RNF17: variants seen among roughly 807,000 people sequenced by gnomAD.
RNF17 encodes the protein ring finger protein 17.
A neutral mutation model predicts 200.5 loss-of-function variants in RNF17; 31 were observed. The ratio of observed to expected loss-of-function variants is 0.15; its 90% CI spans 0.12 to 0.21. The LOEUF is 0.21. RNF17 is among the 10% of genes least tolerant of loss of function. The pLI, the probability that RNF17 is intolerant of heterozygous loss-of-function variation, is 1.00. For synonymous variants in RNF17, 606 were observed against 637.8 expected, an observed-to-expected ratio of 0.95 and a Z score of 0.75; for missense variants, 1,628 against 1,905.1, an observed-to-expected ratio of 0.85 and a Z score of 2.71.
intron 5 of RNF17, among the ~76,000 whole-genome samples, chr13:24,781,224 A>G (rs1435680593): frequency 2.0e-5 from 3 of 152,082 alleles, no homozygotes; most frequent in African/African-American, 7.2e-5. Flanking sequence ...GGGTCCTATC[A>G]AAGAGAAATT....
At position 24,764,191 on chromosome 13, in the gene RNF17, GA is replaced by G; in HGVS notation, c.-10del. On this transcript the variant is annotated 5_prime_UTR_variant, in exon 1 of 36. Coordinates refer to ENST00000255324, the MANE Select transcript of RNF17 (RefSeq NM_031277.3). ...CTCGCACTCGGCGGTTGTTCCAGAAGAAAGAGACAGCGATGGCGGCAGAGGC... is the reference window on the plus strand; with the variant it reads ...CTCGCACTCGGCGGTTGTTCCAGAAGAAGAGACAGCGATGGCGGCAGAGGC... 6.3e-7 allele frequency: 1 copy of G among 1,579,082 alleles called. No individual in the cohort carries two copies. Among genetic ancestry groups the G allele is most frequent in the Non-Finnish European group, 8.7e-7 (1 of 1,153,844 alleles).
intron 15 of RNF17, among the ~76,000 whole-genome samples, chr13:24,807,542 C>T (rs1258320282): frequency 6.6e-6 from 1 of 152,036 alleles, no homozygotes; most frequent in Non-Finnish European, 1.5e-5. Context: ...TTTTTGGATA[C>T]TAGCCCTTTG....
At chr13:24,786,914 G>GTCTC (rs1449590633) in intron 6 of RNF17, among the ~76,000 whole-genome samples, 2 of 151,894 alleles carry the variant, frequency 1.3e-5, no homozygotes, top group Non-Finnish European at 2.9e-5. Flanking sequence ...CTGTCTCTTT[G>GTCTC]TCTCTCTCTT....
At chr13:24,878,362 A>C (rs1895082786) in intron 34 of RNF17, among the ~76,000 whole-genome samples, 1 of 152,258 alleles carries the variant, frequency 6.6e-6, no homozygotes, top group Non-Finnish European at 1.5e-5. Context: ...TCTAATATTC[A>C]GAATTTTGTC....
chr13:24,818,948 ATTCC>A (rs1185049136), intron 15 of RNF17, among the ~76,000 whole-genome samples: 1 of 151,796 alleles, frequency 6.6e-6, no homozygotes, highest in African/African-American at 2.4e-5. Flanking sequence ...TCACACTTTT[ATTCC>A]TTCTTTCCTC....
At chr13:24,836,002 C>T (rs539921224) in intron 18 of RNF17, among the ~76,000 whole-genome samples, 4 of 152,146 alleles carry the variant, frequency 2.6e-5, no homozygotes, top group South Asian at 2.1e-4. Context: ...TTTAGAAATG[C>T]GAAATGTTCT....
downstream of RNF17, among the ~76,000 whole-genome samples, chr13:24,881,863 T>C (rs868530455): frequency 0.018 from 2,418 of 130,784 alleles, 412 homozygotes; most frequent in African/African-American, 0.063. Flanking sequence ...TATATAGATA[T>C]ATAGATACAT....
intron 9 of RNF17, among the ~76,000 whole-genome samples, chr13:24,791,668 A>G (rs540021708): frequency 2.6e-5 from 4 of 152,242 alleles, no homozygotes; most frequent in African/African-American, 9.6e-5. Flanking sequence ...GAGAAAAGCA[A>G]CGCATTTGTT....
chr13:24,839,941 A>G (rs963300050), intron 18 of RNF17, among the ~76,000 whole-genome samples: 1 of 152,238 alleles, frequency 6.6e-6, no homozygotes, highest in Non-Finnish European at 1.5e-5. Flanking sequence ...CAGAGTAAAC[A>G]GACAACCCAC....
intron 18 of RNF17, among the ~76,000 whole-genome samples, chr13:24,840,775 T>C (rs752437718): frequency 2.0e-5 from 3 of 152,092 alleles, no homozygotes; most frequent in Admixed American, 6.6e-5. Context: ...AGACTACAAA[T>C]ACGGTGCAGT....
In RNF17 at chr13:24,870,670, C is replaced by G; in HGVS notation, c.4378C>G (p.Leu1460Val). The change falls in exon 32 of 36, where the codon CTT becomes GTT. Residue 1460 changes from leucine to valine, a missense_variant. Leu to Val is a conservative substitution (Grantham distance 32). Around this residue, in one of 5 missense-constraint regions of RNF17, gnomAD observed 609 missense variants for 681.9 expected, o/e 0.89. Coordinates refer to ENST00000255324, the MANE Select transcript of RNF17 (RefSeq NM_031277.3). ...GVSGESESES[L>V]DEALQRVNKK... is the part of the protein sequence containing the mutation. ...CAGCGGGGAATCAGAATCCGAGAGC[C>G]TTGATGAAGCACTGCAGAGGGTTAA... is the stretch of plus-strand genomic sequence containing the variant. 6.2e-7 allele frequency: 1 copy of G among 1,614,128 alleles called. No individual in the cohort carries two copies. Among genetic ancestry groups the G allele is most frequent in the Middle Eastern group, 1.6e-4 (1 of 6,062 alleles).
In RNF17 at chr13:24,870,592, A is replaced by T; in HGVS notation, c.4300A>T (p.Ile1434Leu). 1 of 1,613,296 alleles carries T rather than the reference A, an allele frequency of 6.2e-7. No individual in the cohort carries two copies. Among genetic ancestry groups the T allele is most frequent in the Non-Finnish European group, 8.5e-7 (1 of 1,179,686 alleles). Residue 1434 changes from isoleucine (I) to leucine (L), a missense_variant, in exon 32 of 36, where the codon ATA (isoleucine) becomes TTA (leucine). By Grantham distance (5) the Ile-to-Leu change is conservative. This residue lies in a region of RNF17 where 609 missense variants were observed against 681.9 expected (regional missense o/e 0.89). Transcript: ENST00000255324. ...TTAGGTGTATATTTGCCTTGATTCT[A>T]TAGAAACTTCTAACCAGTCTAACCA... is the stretch of plus-strand genomic sequence containing the variant. ...PNEVYICLDS[I>L]ETSNQSNQHS...
chr13:24,855,473 CA>C (rs1892374790), intron 25 of RNF17, among the ~76,000 whole-genome samples: 1 of 151,906 alleles, frequency 6.6e-6, no homozygotes, highest in East Asian at 1.9e-4. Flanking sequence ...ACTAAAAATA[CA>C]AAAATTAGCT....
chr13:24,865,015 TC>T lies in RNF17; in HGVS notation c.4101+18del, dbSNP rs1444671886. The T allele has an allele frequency of 6.6e-7, 1 of 1,522,118 alleles. No homozygotes were observed. Among genetic ancestry groups the T allele is most frequent in the Non-Finnish European group, 8.9e-7 (1 of 1,127,598 alleles). The allele number at this position is 1,522,118 out of a possible 1,614,324, so 94.3% of individuals were successfully genotyped here. On this transcript the variant is annotated intron_variant, in intron 29 of 35. Transcript: ENST00000255324. Reference sequence around the variant, plus strand: ...TTGAAAGAAGTAAGTGCACTATTTTTCTATAAAAATCTAAAGTGTAGAAAAG... The same window carrying T: ...TTGAAAGAAGTAAGTGCACTATTTTTTATAAAAATCTAAAGTGTAGAAAAG...
At chr13:24,818,814 A>G (rs1887699236) in intron 15 of RNF17, among the ~76,000 whole-genome samples, 1 of 151,892 alleles carries the variant, frequency 6.6e-6, no homozygotes, top group South Asian at 2.1e-4. Context: ...ATATAGTTGG[A>G]TCATGTTTTT....
At chr13:24,796,642 T>C (rs1481642779) in intron 11 of RNF17, among the ~76,000 whole-genome samples, 2 of 152,226 alleles carry the variant, frequency 1.3e-5, no homozygotes, top group African/African-American at 4.8e-5. Context: ...TCCAGTCTCT[T>C]GCTCGCCATG....
chr13:24,795,326 T>A (rs997515135), intron 10 of RNF17, among the ~76,000 whole-genome samples: 1 of 151,398 alleles, frequency 6.6e-6, no homozygotes, highest in Admixed American at 6.6e-5. Context: ...CTCCATCTCT[T>A]CCACATTTTC....
chr13:24,763,022 T>C (rs1878932567), upstream of RNF17, among the ~76,000 whole-genome samples: 1 of 152,210 alleles, frequency 6.6e-6, no homozygotes, highest in East Asian at 1.9e-4. Flanking sequence ...CTTCCCTCGC[T>C]GATGTGTTCT....
intron 31 of RNF17, among the ~76,000 whole-genome samples, chr13:24,869,491 G>A (rs975471887): frequency 6.6e-6 from 1 of 152,146 alleles, no homozygotes; most frequent in Non-Finnish European, 1.5e-5. Context: ...CAGGAATCTG[G>A]GAGCTGCTGA....
Sources: gnomAD v4.1 joint callset for allele counts (sites outside exome capture counted in the v4.1 genomes callset) on GRCh38, gnomAD v4.1.1 for gene constraint, gnomAD v4.1.1 regional missense constraint, MANE v1.5 for transcripts, NCBI Gene and HGNC (gene_info 2026-07-23, HGNC 2026-07-21) for gene names.